Variants in AFG3L2 observed in about 807,000 individuals in gnomAD.
AFG3L2 encodes the protein mitochondrial inner membrane m-AAA protease component AFG3L2.
AFG3L2 carries 54 observed loss-of-function variants against 94.5 expected under a neutral mutation model. The observed-to-expected ratio is 0.57, with a 90% CI of 0.46 to 0.72. The LOEUF is 0.72. AFG3L2 is among the 30% of genes least tolerant of loss of function. The pLI, the probability that AFG3L2 is intolerant of heterozygous loss-of-function variation, is 0.00. For synonymous variants in AFG3L2, 377 were observed against 365.5 expected (o/e 1.03, Z -0.36); for missense variants, 754 against 994.9 (o/e 0.76, Z 3.26).
Position 12,367,130 on chromosome 18 carries a change from G to A in AFG3L2, c.400-13C>T. 6.2e-7 allele frequency: 1 copy of A among 1,614,138 alleles called. No individual in the cohort carries two copies. The highest frequency in any genetic ancestry group is 1.3e-5 in the African/African-American group (1 of 75,026). ...ATGGAATGTCACCCTGGGCAGAGAGGGAGACAGCTTCTGTGAAGAATGAAA... is the reference window on the plus strand; with the variant it reads ...ATGGAATGTCACCCTGGGCAGAGAGAGAGACAGCTTCTGTGAAGAATGAAA... On this transcript the variant is annotated splice_polypyrimidine_tract_variant and intron_variant, in intron 4 of 16. Transcript: ENST00000269143.
At position 12,360,003 on chromosome 18, in the gene AFG3L2, G is replaced by C; in HGVS notation, c.676C>G (p.Leu226Val). 1 of 1,614,086 alleles carries C rather than the reference G, an allele frequency of 6.2e-7. No individual in the cohort carries two copies. Among genetic ancestry groups the C allele is most frequent in the Non-Finnish European group, 8.5e-7 (1 of 1,179,998 alleles). The part of the protein sequence containing the change: ...IGSVDTFERN[L>V]ETLQQELGIE... Reference sequence around the variant, plus strand: ...CCCAATTCCTGCTGTAAAGTTTCCAGATTCCGTTCAAAGGTGTCCACACTG... The same window carrying C: ...CCCAATTCCTGCTGTAAAGTTTCCACATTCCGTTCAAAGGTGTCCACACTG... The change falls in exon 7 of 17, where the codon CTG (leucine) becomes GTG (valine). Residue 226 changes from leucine to valine, a missense_variant. Transcript: ENST00000269143.
rs1215258983 is a variant in AFG3L2 at position 12,360,033 on chromosome 18, T to G, written c.646A>C (p.Ile216Leu). The G allele has an allele frequency of 6.2e-7, 1 of 1,614,086 alleles. No individual in the cohort carries two copies. Among genetic ancestry groups the G allele is most frequent in the Admixed American group, 1.7e-5 (1 of 60,018 alleles). The part of the protein sequence containing the change: ...PVDGQYVWFN[I>L]GSVDTFERNL... ...CGTTCAAAGGTGTCCACACTGCCAATATTAAACCAAACGTATTGCTATAAA... is the reference window on the plus strand; with the variant it reads ...CGTTCAAAGGTGTCCACACTGCCAAGATTAAACCAAACGTATTGCTATAAA... The change falls in exon 7 of 17, where the codon ATT (isoleucine) becomes CTT (leucine). Residue 216 changes from isoleucine to leucine, a missense_variant. This residue lies in a region of AFG3L2 where 130 missense variants were observed against 175.1 expected (regional missense o/e 0.74). Transcript: ENST00000269143.
intron 15 of AFG3L2, among the ~76,000 whole-genome samples, 169 bp downstream of exon 15, chr18:12,340,032 T>A (rs190998145): frequency 1.3e-5 from 2 of 152,044 alleles, no homozygotes; most frequent in East Asian, 3.9e-4. Flanking sequence ...AAAAATAAAG[T>A]TTCTCTTCAT....
intron 14 of AFG3L2, 49 bp from the exon 15 acceptor site, chr18:12,340,450 G>C (rs1598822996): frequency 7.2e-7 from 1 of 1,386,460 alleles, no homozygotes. Context: ...ATGAAGACTT[G>C]ATCAAAACAT....
chr18:12,346,897 C>G (rs988710920), intron 13 of AFG3L2, among the ~76,000 whole-genome samples: 1 of 105,080 alleles, frequency 9.5e-6, no homozygotes, highest in African/African-American at 3.8e-5. Flanking sequence ...GGGCAAGACT[C>G]CATCTCAAAA....
rs74593099 is a variant in AFG3L2 at position 12,329,925 on chromosome 18, G to A, written c.2176-142C>T. 0.11 allele frequency: 80,190 copies of A among 738,286 alleles called. 4,986 individuals are homozygous for A. The highest frequency in any genetic ancestry group is 0.21 in the East Asian group (7,667 of 37,154). 45.7% of individuals were successfully genotyped at this position (738,286 alleles called of 1,614,324 possible). ...GATGTCTCATACATAAGGTTGCATAGTTTTAGAGTAAGATGTGCAAAATAT... is the reference window on the plus strand; with the variant it reads ...GATGTCTCATACATAAGGTTGCATAATTTTAGAGTAAGATGTGCAAAATAT... On this transcript the variant is annotated intron_variant, in intron 16 of 16. Transcript: ENST00000269143.
In AFG3L2 at chr18:12,354,937, G is replaced by A. The variant is rs142970658; in HGVS notation, c.1164+1757C>T. On this transcript the variant is annotated intron_variant, in intron 9 of 16. Transcript: ENST00000269143. ...GTGAAATAGATGTGAAGGTGAGGCC[G>A]GACAAGGTGGCTCACGCCTGTAATC... Among the ~76,000 whole-genome samples, 757 of 152,258 alleles carry A rather than the reference G, an allele frequency of 5.0e-3. 10 individuals carry two copies. Among genetic ancestry groups the A allele is most frequent in the African/African-American group, 0.017 (697 of 41,534 alleles).
chr18:12,375,793 C>A (rs1160612893), intron 1 of AFG3L2, among the ~76,000 whole-genome samples: 1 of 152,034 alleles, frequency 6.6e-6, no homozygotes, highest in Non-Finnish European at 1.5e-5. Flanking sequence ...GATCCACCCG[C>A]CTGCTGGGAT....
At chr18:12,340,506 G>C in intron 14 of AFG3L2, 105 bp from the exon 15 acceptor site, 1 of 902,122 alleles carries the variant, frequency 1.1e-6, no homozygotes, top group Non-Finnish European at 1.8e-6. Flanking sequence ...AAGCACAACA[G>C]CCGCACAGTT....
At position 12,332,951 on chromosome 18, in the gene AFG3L2, T is replaced by TA. The variant is rs1240845231; in HGVS notation, c.2176-3169_2176-3168insT. Among the ~76,000 whole-genome samples the TA allele has an allele frequency of 4.3e-3, 482 of 110,816 alleles. 9 individuals are homozygous for TA. The highest frequency in any genetic ancestry group is 0.013 in the South Asian group (52 of 3,852). The allele number at this position is 110,816 out of a possible 152,430, so 72.7% of individuals were successfully genotyped here. A position where few individuals can be genotyped will look rare whatever the true frequency, so the allele number is the denominator to read the frequency against. ...CATATACTATATAACATATAATATATTATATACTATAATATATTATATATT... is the reference window on the plus strand; with the variant it reads ...CATATACTATATAACATATAATATATATATATACTATAATATATTATATATT... On this transcript the variant is annotated intron_variant, in intron 16 of 16. Coordinates refer to ENST00000269143, the MANE Select transcript of AFG3L2 (RefSeq NM_006796.3).
intron 16 of AFG3L2, among the ~76,000 whole-genome samples, chr18:12,334,107 G>A (rs866608890): frequency 1.2e-4 from 18 of 152,312 alleles, no homozygotes; most frequent in African/African-American, 3.4e-4. Flanking sequence ...CCCTGCCCTC[G>A]CAGAGTCTGG....
At position 12,347,141 on chromosome 18, in the gene AFG3L2, C is replaced by A. The variant is rs959892077; in HGVS notation, c.1663+1132G>T. Among the ~76,000 whole-genome samples, 4 of 152,042 alleles carry A rather than the reference C, an allele frequency of 2.6e-5. No individual in the cohort carries two copies. In the South Asian group the frequency reaches 6.2e-4, roughly 24 times the overall value. ...GACTCTGTCTCAAAAAACAAAAAAA[C>A]AAAACAAAACAACAACAACAAAAAA... On this transcript the variant is annotated intron_variant, in intron 13 of 16. Coordinates refer to ENST00000269143, the MANE Select transcript of AFG3L2 (RefSeq NM_006796.3).
rs1401003895 is a variant in AFG3L2 at position 12,332,146 on chromosome 18, CAG to C, written c.2176-2365_2176-2364del. On this transcript the variant is annotated intron_variant, in intron 16 of 16. Transcript: ENST00000269143. ...TGATTTTTTTTTTTTTTTTTTGAGACAGAGTCTTGTTCTGTCACCCAGGCTGG... is the reference window on the plus strand; with the variant it reads ...TGATTTTTTTTTTTTTTTTTTGAGACAGTCTTGTTCTGTCACCCAGGCTGG... Among the ~76,000 whole-genome samples, 548 of 113,282 alleles carry C rather than the reference CAG, an allele frequency of 4.8e-3. 4 individuals carry two copies. Among genetic ancestry groups the C allele is most frequent in the African/African-American group, 0.017 (516 of 29,616 alleles). 74.3% of individuals were successfully genotyped at this position (113,282 alleles called of 152,430 possible). A position where few individuals can be genotyped will look rare whatever the true frequency, so the allele number is the denominator to read the frequency against.
chr18:12,356,866 G>A (rs957332919), intron 8 of AFG3L2, 35 bp from the exon 9 acceptor site: 1 of 1,606,634 alleles, frequency 6.2e-7, no homozygotes. Context: ...CATTTAATGA[G>A]AATTCCAGAA....
chr18:12,366,855 A>G, intron 5 of AFG3L2, 110 bp downstream of exon 5: 2 of 1,453,926 alleles, frequency 1.4e-6, no homozygotes, highest in Non-Finnish European at 1.9e-6. Flanking sequence ...TGAAAATAAC[A>G]ATTTTACAAT....
chr18:12,366,574 A>T (rs1908813949), intron 5 of AFG3L2, among the ~76,000 whole-genome samples: 1 of 152,190 alleles, frequency 6.6e-6, no homozygotes, highest in Admixed American at 6.5e-5. Flanking sequence ...AGGCTGGCAC[A>T]CAACAGCACA....
chr18:12,358,698 T>C lies in AFG3L2; in HGVS notation c.998A>G (p.Tyr333Cys). Residue 333 changes from tyrosine (Y) to cysteine (C), a missense_variant, in exon 8 of 17, where the codon TAT (tyrosine) becomes TGT (cysteine). Transcript: ENST00000269143. ...FVNFLKNPKQYQDLGAKIPKG... is the reference protein window; with the variant it reads ...FVNFLKNPKQCQDLGAKIPKG... The stretch of plus-strand genomic sequence containing the variant: ...TGGGATTTTTGCTCCTAGGTCTTGA[T>C]ACTGCTTTGGGTTTTTCAAGAAATT... 3 of 1,614,286 alleles carry C rather than the reference T, an allele frequency of 1.9e-6. No homozygotes were observed. Among genetic ancestry groups the C allele is most frequent in the Non-Finnish European group, 2.5e-6 (3 of 1,180,054 alleles).
intron 14 of AFG3L2, chr18:12,342,461 T>TA (rs1256762340): frequency 6.6e-6 from 1 of 152,234 alleles, no homozygotes. Context: ...CTTTGTCCTG[T>TA]ATATGTACTG....
Position 12,353,071 on chromosome 18 carries a change from T to C in AFG3L2, c.1252A>G (p.Arg418Gly). 3 of 1,614,188 alleles carry C rather than the reference T, an allele frequency of 1.9e-6. No individual in the cohort carries two copies. The highest frequency in any genetic ancestry group is 2.5e-6 in the Non-Finnish European group (3 of 1,180,024). Residue 418 changes from arginine (R) to glycine (G), a missense_variant, in exon 10 of 17, where the codon AGA becomes GGA. This residue lies in a region of AFG3L2 where 109 missense variants were observed against 227.1 expected (regional missense o/e 0.48). Coordinates refer to ENST00000269143, the MANE Select transcript of AFG3L2 (RefSeq NM_006796.3). ...EIDAVGRKRG[R>G]GNFGGQSEQE... ...TCACTCTGCCCTCCAAAGTTGCCTC[T>C]TCCTCTCTTCCTTCCCACCGCATCG...
Sources: allele counts gnomAD v4.1 joint callset (sites outside exome capture counted in the v4.1 genomes callset), GRCh38; gene constraint gnomAD v4.1.1; regional missense constraint gnomAD v4.1.1; transcripts MANE v1.5; gene names NCBI Gene and HGNC (gene_info 2026-07-23, HGNC 2026-07-21).